Variants in GPC6 observed in about 807,000 individuals in gnomAD.
The protein encoded by GPC6 is glypican 6.
Under a neutral mutation model 55.2 loss-of-function variants are expected in GPC6, and 14 were observed. That is an observed-to-expected ratio of 0.25 (90% CI 0.17 to 0.40). GPC6 has a LOEUF of 0.40. Among genes scored for constraint, GPC6 ranks in the 10% least tolerant of loss-of-function variants. The probability of loss-of-function intolerance (pLI) is 1.00; values close to 1 mark genes in which losing one functional copy is unlikely to be tolerated. For missense variants in GPC6, 641 were observed against 708.5 expected, an observed-to-expected ratio of 0.90 and a Z score of 1.08; for synonymous variants, 278 against 259.6, an observed-to-expected ratio of 1.07 and a Z score of -0.68.
chr13:94,324,288 C>T lies in GPC6; in HGVS notation c.1152+18165C>T, dbSNP rs952085170. On this transcript the variant is annotated intron_variant, in intron 6 of 8. Coordinates refer to ENST00000377047, the MANE Select transcript of GPC6 (RefSeq NM_005708.5). ...ACATGCCTGTGGCCTCAGGTCACCA[C>T]CGAGGACCATCTATGAAAGCCTTAA... 5.4e-5 allele frequency among the ~76,000 whole-genome samples: 8 copies of T among 147,664 alleles called. No homozygotes were observed. In the Admixed American group the frequency reaches 5.5e-4, roughly 10 times the overall value.
chr13:93,932,825 G>A (rs1878243278), intron 3 of GPC6, among the ~76,000 whole-genome samples: 1 of 151,996 alleles, frequency 6.6e-6, no homozygotes, highest in Non-Finnish European at 1.5e-5. Context: ...ATTTTCTAGG[G>A]CCACTGTAAC....
At chr13:93,747,293 T>C (rs886268640) in intron 2 of GPC6, among the ~76,000 whole-genome samples, 17 of 152,140 alleles carry the variant, frequency 1.1e-4, no homozygotes, top group African/African-American at 3.9e-4. Context: ...TGACAAGAGA[T>C]GTGAAAGAGC....
At chr13:93,268,285 C>T (rs1041616452) in intron 1 of GPC6, among the ~76,000 whole-genome samples, 1 of 152,088 alleles carries the variant, frequency 6.6e-6, no homozygotes, top group African/African-American at 2.4e-5. Flanking sequence ...CAAGACTGGT[C>T]CCGCCTGTAT....
At chr13:93,835,519 G>T (rs542027870) in intron 3 of GPC6, among the ~76,000 whole-genome samples, 2 of 152,132 alleles carry the variant, frequency 1.3e-5, no homozygotes, top group Non-Finnish European at 2.9e-5. Context: ...TTGGGAGGCC[G>T]AGACAGGCAG....
At chr13:93,726,270 GTCCTT>G in intron 2 of GPC6, among the ~76,000 whole-genome samples, 1 of 152,070 alleles carries the variant, frequency 6.6e-6, no homozygotes, top group African/African-American at 2.4e-5. Flanking sequence ...ATTCATGTCA[GTCCTT>G]TCGGAGGTTC....
At chr13:93,867,301 C>T (rs1888995643) in intron 3 of GPC6, among the ~76,000 whole-genome samples, 1 of 151,702 alleles carries the variant, frequency 6.6e-6, no homozygotes. Context: ...GTTCCTTTGA[C>T]GTCTCTCTAA....
intron 2 of GPC6, among the ~76,000 whole-genome samples, chr13:93,828,524 A>G (rs937229601): frequency 8.5e-5 from 13 of 152,104 alleles, no homozygotes; most frequent in African/African-American, 3.1e-4. Flanking sequence ...CAATTTTGCA[A>G]ATTTCGCCCT....
intron 1 of GPC6, among the ~76,000 whole-genome samples, chr13:93,384,250 T>C (rs773884824): frequency 2.0e-5 from 3 of 152,100 alleles, no homozygotes; most frequent in Non-Finnish European, 4.4e-5. Context: ...ACATCCTGCT[T>C]TAGAGACAAA....
chr13:93,544,383 A>G (rs768478634), intron 1 of GPC6, among the ~76,000 whole-genome samples: 1 of 152,136 alleles, frequency 6.6e-6, no homozygotes, highest in Admixed American at 6.6e-5. Flanking sequence ...TCAGTGTCCT[A>G]TGGTGACTTT....
At chr13:94,119,967 A>T (rs1000712991) in intron 4 of GPC6, among the ~76,000 whole-genome samples, 1 of 152,140 alleles carries the variant, frequency 6.6e-6, no homozygotes, top group Admixed American at 6.6e-5. Context: ...GATAAAATAG[A>T]TGTAAATAGC....
intron 1 of GPC6, among the ~76,000 whole-genome samples, chr13:93,363,831 C>T (rs1290902778): frequency 1.3e-5 from 2 of 151,958 alleles, no homozygotes; most frequent in Non-Finnish European, 2.9e-5. Flanking sequence ...GCCATTCTGA[C>T]TGGTGTGAGA....
At position 94,402,882 on chromosome 13, in the gene GPC6, A is replaced by C. The variant is rs9556370; in HGVS notation, c.1466-133A>C. ...ATGGGGGAAACCACCACCATGATTG[A>C]ATTACCTCCACATGGCCTCTCCCCT... On this transcript the variant is annotated intron_variant, in intron 8 of 8. Transcript: ENST00000377047. The C allele has an allele frequency of 0.11, 86,973 of 786,632 alleles. 6,380 individuals are homozygous for C. Among genetic ancestry groups the C allele is most frequent in the Admixed American group, 0.26 (15,282 of 57,808 alleles). The allele number at this position is 786,632 out of a possible 1,614,324, so 48.7% of individuals were successfully genotyped here.
intron 1 of GPC6, among the ~76,000 whole-genome samples, chr13:93,289,296 C>A (rs1385833456): frequency 1.3e-5 from 2 of 152,100 alleles, no homozygotes; most frequent in Non-Finnish European, 2.9e-5. Context: ...GCCTTCACTC[C>A]AGTACTCCAA....
intron 1 of GPC6, among the ~76,000 whole-genome samples, chr13:93,324,722 G>C (rs1034552485): frequency 3.3e-5 from 5 of 151,706 alleles, no homozygotes; most frequent in Admixed American, 3.3e-4. Context: ...AGAGGATTAA[G>C]TATTGGAGGA....
At chr13:93,444,195 C>CTTCTTTTTTT (rs755978023) in intron 1 of GPC6, among the ~76,000 whole-genome samples, 23 of 110,704 alleles carry the variant, frequency 2.1e-4, no homozygotes, top group South Asian at 5.9e-4. Context: ...TGCAATTCTT[C>CTTCTTTTTTT]TTTTTTTTTT....
intron 3 of GPC6, among the ~76,000 whole-genome samples, chr13:94,006,869 A>T (rs1281207479): frequency 6.6e-6 from 1 of 152,136 alleles, no homozygotes; most frequent in East Asian, 1.9e-4. Context: ...ATAAAGAACT[A>T]TTACTGTTTG....
intron 2 of GPC6, among the ~76,000 whole-genome samples, chr13:93,825,951 C>T (rs1887227681): frequency 6.8e-6 from 1 of 147,362 alleles, no homozygotes; most frequent in Admixed American, 7.0e-5. Context: ...ACCTCCGCTT[C>T]CTGGGTTCAA....
At chr13:93,234,274 T>C (rs1030483884) in intron 1 of GPC6, among the ~76,000 whole-genome samples, 6 of 152,150 alleles carry the variant, frequency 3.9e-5, no homozygotes, top group Non-Finnish European at 5.9e-5. Context: ...TGAGGGACTT[T>C]CCTTCACGTG....
chr13:93,218,884 A>G, the GPC6 span, among the ~76,000 whole-genome samples: 1 of 152,320 alleles, frequency 6.6e-6, no homozygotes, highest in South Asian at 2.1e-4. Flanking sequence ...CGTAAATAAG[A>G]ATGGAATATT....
Sources: gnomAD v4.1 joint callset for allele counts (sites outside exome capture counted in the v4.1 genomes callset) on GRCh38, gnomAD v4.1.1 for gene constraint, MANE v1.5 for transcripts, NCBI Gene and HGNC (gene_info 2026-07-23, HGNC 2026-07-21) for gene names.